PUS7: variants seen among roughly 807,000 people sequenced by gnomAD.
The protein encoded by PUS7 is pseudouridylate synthase 7 homolog.
A neutral mutation model predicts 79.8 loss-of-function variants in PUS7; 48 were observed. That is an observed-to-expected ratio of 0.60 (90% CI 0.48 to 0.76). PUS7 has a LOEUF of 0.76. PUS7 is among the 30% of genes least tolerant of loss of function. PUS7 has a pLI of 0.00. For synonymous variants in PUS7, 286 were observed against 272.2 expected (o/e 1.05, Z -0.50); for missense variants, 729 against 797.6 (o/e 0.91, Z 1.04).
At chr7:105,490,253 G>T (rs1347697411) in intron 7 of PUS7, among the ~76,000 whole-genome samples, 1 of 152,084 alleles carries the variant, frequency 6.6e-6, no homozygotes, top group Admixed American at 6.5e-5. Context: ...TTTGACATGT[G>T]TATAAGCCCA....
intron 8 of PUS7, among the ~76,000 whole-genome samples, chr7:105,481,662 C>A (rs1824325802): frequency 6.6e-6 from 1 of 152,120 alleles, no homozygotes; most frequent in Admixed American, 6.5e-5. Context: ...TCCCCAGTAA[C>A]CACTATTTTA....
chr7:105,467,034 GTTTTTTTTTTTTTT>G (rs56177512), intron 12 of PUS7, among the ~76,000 whole-genome samples: 4,827 of 70,926 alleles, frequency 0.068, 159 homozygotes, highest in Admixed American at 0.13. Context: ...AGTTTTTTCT[GTTTTTTTTTTTTTT>G]TTTTTTTTTT....
chr7:105,473,740 G>A (rs1462307365), intron 9 of PUS7, among the ~76,000 whole-genome samples: 1 of 152,110 alleles, frequency 6.6e-6, no homozygotes, highest in East Asian at 1.9e-4. Context: ...TTTTAGTAGA[G>A]ACGAGGTTTC....
chr7:105,466,599 T>G (rs1196555350), intron 12 of PUS7, among the ~76,000 whole-genome samples: 3 of 152,134 alleles, frequency 2.0e-5, no homozygotes, highest in Non-Finnish European at 4.4e-5. Context: ...ATCTCTCAGC[T>G]GCATCCACAT....
chr7:105,501,460 A>G (rs939627535), intron 5 of PUS7, among the ~76,000 whole-genome samples: 2 of 152,212 alleles, frequency 1.3e-5, no homozygotes, highest in African/African-American at 4.8e-5. Context: ...GTGGCTGTAG[A>G]TAACACATTA....
At chr7:105,510,835 A>C (rs2133267924) in intron 1 of PUS7, among the ~76,000 whole-genome samples, 1 of 152,168 alleles carries the variant, frequency 6.6e-6, no homozygotes, top group Middle Eastern at 3.4e-3. Flanking sequence ...CTCTTGGTAA[A>C]ATAAGGATAA....
intron 1 of PUS7, among the ~76,000 whole-genome samples, chr7:105,509,435 T>C (rs780667461): frequency 1.2e-4 from 19 of 152,136 alleles, no homozygotes; most frequent in Middle Eastern, 3.4e-3. Context: ...AATTAAGAAA[T>C]AATAAAGTTT....
rs567806758 is a variant in PUS7, at chr7:105,457,286, T to G, written c.*504A>C. ...ATAAGCAGGATAATGACAATCACTT[T>G]TTGTTTATAAATTTGTAGATGTCTT... On this transcript the variant is annotated 3_prime_UTR_variant, in exon 16 of 16. Transcript: ENST00000469408. 1 of 152,380 alleles carries G rather than the reference T, an allele frequency of 6.6e-6. No individual in the cohort carries two copies. Among genetic ancestry groups the G allele is most frequent in the East Asian group, 1.9e-4 (1 of 5,196 alleles). The allele number at this position is 152,380 out of a possible 1,614,324, so 9.4% of individuals were successfully genotyped here.
intron 5 of PUS7, among the ~76,000 whole-genome samples, chr7:105,496,236 G>T (rs1444185701): frequency 1.4e-4 from 5 of 36,786 alleles, no homozygotes; most frequent in East Asian, 9.5e-4. Context: ...TAGAGAGAGA[G>T]AGAGAGAGAG....
intron 9 of PUS7, among the ~76,000 whole-genome samples, chr7:105,476,444 G>A (rs944490350): frequency 1.3e-5 from 2 of 152,080 alleles, no homozygotes; most frequent in Admixed American, 6.6e-5. Context: ...TGCAACCTCT[G>A]CTTCCCGGGT....
chr7:105,507,821 C>T (rs982356681), intron 2 of PUS7, among the ~76,000 whole-genome samples: 4 of 152,146 alleles, frequency 2.6e-5, no homozygotes, highest in African/African-American at 7.2e-5. Context: ...GGATAACAGG[C>T]GTAAGCCACT....
Position 105,502,601 on chromosome 7 carries a change from A to G in PUS7, c.586-37T>C, listed in dbSNP as rs771453931. 22 of 1,604,028 alleles carry G rather than the reference A, an allele frequency of 1.4e-5. No homozygotes were observed. In the East Asian group the frequency reaches 4.7e-4, roughly 34 times the overall value. On this transcript the variant is annotated intron_variant, in intron 4 of 15. Coordinates refer to ENST00000469408, the MANE Select transcript of PUS7 (RefSeq NM_019042.5). ...AACAGATAGCAATACCACCAAGTTA[A>G]CAAACATTAAATAGGGAAGTAATAC... is the stretch of plus-strand genomic sequence containing the variant.
At chr7:105,495,282 A>G in intron 5 of PUS7, 29 bp from the exon 6 acceptor site, 1 of 1,250,948 alleles carries the variant, frequency 8.0e-7, no homozygotes, top group East Asian at 2.3e-5. Context: ...AACATTATAT[A>G]TACCATAATA....
chr7:105,468,186 G>T, intron 12 of PUS7, 151 bp downstream of exon 12: 1 of 1,029,612 alleles, frequency 9.7e-7, no homozygotes, highest in Non-Finnish European at 1.4e-6. Flanking sequence ...ACCCACCTTG[G>T]CCACCCAAAG....
Position 105,509,184 on chromosome 7 carries a change from C to CAAAAAAAAAAAAAAAAAAAAAA in PUS7, c.-32-662_-32-641dup, listed in dbSNP as rs57095427. ...GGGGGACCAGAGCAAGACTCCATCT[C>CAAAAAAAAAAAAAAAAAAAAAA]AAAAAAAAAAAAAAAAAAAAAAAAA... On this transcript the variant is annotated intron_variant, in intron 1 of 15. Transcript: ENST00000469408. Among the ~76,000 whole-genome samples, 23 of 55,710 alleles carry CAAAAAAAAAAAAAAAAAAAAAA rather than the reference C, an allele frequency of 4.1e-4. 1 individual carries two copies. The highest frequency in any genetic ancestry group is 0.014 in the Middle Eastern group (1 of 70). 36.5% of individuals were successfully genotyped at this position (55,710 alleles called of 152,430 possible).
intron 6 of PUS7, among the ~76,000 whole-genome samples, chr7:105,494,832 C>T (rs368531613): frequency 1.3e-4 from 19 of 151,950 alleles, no homozygotes; most frequent in East Asian, 9.7e-4. Flanking sequence ...TAAAATTAGC[C>T]TGGCATTGTG....
chr7:105,468,255 A>G, intron 12 of PUS7, 82 bp downstream of exon 12: 1 of 1,526,502 alleles, frequency 6.6e-7, no homozygotes, highest in Non-Finnish European at 8.8e-7. Context: ...CTTAATTAAT[A>G]GCCAGGATGG....
chr7:105,514,302 T>C (rs974868577), intron 1 of PUS7, among the ~76,000 whole-genome samples: 1 of 145,710 alleles, frequency 6.9e-6, no homozygotes, highest in Non-Finnish European at 1.5e-5. Context: ...TCTGGAGGAG[T>C]TTAAAAAAAG....
intron 2 of PUS7, 144 bp from the exon 3 acceptor site, chr7:105,506,417 A>ATT: frequency 1.8e-6 from 1 of 567,302 alleles, no homozygotes; most frequent in Non-Finnish European, 3.0e-6. Context: ...CATGGAGTTA[A>ATT]TTTTTTTTTT....
Sources: gnomAD v4.1 joint callset for allele counts (sites outside exome capture counted in the v4.1 genomes callset) on GRCh38, gnomAD v4.1.1 for gene constraint, MANE v1.5 for transcripts, NCBI Gene and HGNC (gene_info 2026-07-23, HGNC 2026-07-21) for gene names.